Variants in UTP3 observed in about 807,000 individuals in gnomAD.
UTP3 encodes UTP3 small subunit processome component.
Under a neutral mutation model 37.9 loss-of-function variants are expected in UTP3, and 19 were observed. The observed-to-expected ratio is 0.50, with a 90% CI of 0.35 to 0.74. The LOEUF (loss-of-function observed/expected upper bound fraction) is 0.74, where lower values mean the gene tolerates loss of function less well. Among genes scored for constraint, UTP3 ranks in the 30% least tolerant of loss-of-function variants. The pLI is 0.01. For missense variants in UTP3, 504 were observed against 570.7 expected (o/e 0.88, Z 1.19); for synonymous variants, 242 against 218.5 (o/e 1.11, Z -0.95).
Position 70,690,226 on chromosome 4 carries a change from C to T in UTP3, c.*109C>T. 8.5e-7 allele frequency: 1 copy of T among 1,180,768 alleles called. No homozygotes were observed. Among genetic ancestry groups the T allele is most frequent in the Non-Finnish European group, 1.1e-6 (1 of 911,740 alleles). The allele number at this position is 1,180,768 out of a possible 1,614,324, so 73.1% of individuals were successfully genotyped here. A position where few individuals can be genotyped will look rare whatever the true frequency, so the allele number is the denominator to read the frequency against. ...TACTTTAAATTTTAAAAATTCTTGTCCACAAGGAAATTTGTCTGGGTTATT... is the reference window on the plus strand; with the variant it reads ...TACTTTAAATTTTAAAAATTCTTGTTCACAAGGAAATTTGTCTGGGTTATT... On this transcript the variant is annotated 3_prime_UTR_variant, in exon 1 of 1. Transcript: ENST00000254803.
Position 70,690,175 on chromosome 4 carries a change from A to G in UTP3, c.*58A>G, listed in dbSNP as rs77013514. ...TTGGATCAATAAATTTTTACTTTTA[A>G]CTAAAGTCATTGTATTAATATATAA... On this transcript the variant is annotated 3_prime_UTR_variant, in exon 1 of 1. Coordinates refer to ENST00000254803, the MANE Select transcript of UTP3 (RefSeq NM_020368.3). 2,486 of 1,496,496 alleles carry G rather than the reference A, an allele frequency of 1.7e-3. 40 individuals are homozygous for G. In the African/African-American group the frequency reaches 0.033, roughly 20 times the overall value. The allele number at this position is 1,496,496 out of a possible 1,614,324, so 92.7% of individuals were successfully genotyped here. A position where few individuals can be genotyped will look rare whatever the true frequency, so the allele number is the denominator to read the frequency against.
rs1445635662 is a variant in UTP3 at position 70,689,940 on chromosome 4, T to G, written c.1263T>G (p.Leu421=). The change falls in exon 1 of 1, where the codon CTT becomes CTG. Residue 421 remains leucine (L), a synonymous_variant. Coordinates refer to ENST00000254803, the MANE Select transcript of UTP3 (RefSeq NM_020368.3). ...ATCAAATTGCTAAAAATAGGGGACTTACTCCTAGGAGAAAGAAGATTGATC... is the reference window on the plus strand; with the variant it reads ...ATCAAATTGCTAAAAATAGGGGACTGACTCCTAGGAGAAAGAAGATTGATC... ...ITYQIAKNRG[L]TPRRKKIDRN... is the part of the protein sequence containing the mutation. The G allele has an allele frequency of 6.2e-7, 1 of 1,613,854 alleles. No homozygotes were observed. The highest frequency in any genetic ancestry group is 1.3e-5 in the African/African-American group (1 of 74,876).
Position 70,690,041 on chromosome 4 carries a change from G to A in UTP3, c.1364G>A (p.Arg455His), listed in dbSNP as rs370936337. Residue 455 changes from arginine (R) to histidine (H), a missense_variant, in exon 1 of 1, where the codon CGT becomes CAT. Transcript: ENST00000254803. ...IRRRGQVREV[R>H]KEEQRYSGEL... ...AGAAGAGGCCAGGTTCGTGAAGTTC[G>A]TAAAGAAGAGCAACGTTATAGTGGT... 43 of 1,613,954 alleles carry A rather than the reference G, an allele frequency of 2.7e-5. No homozygotes were observed. The African/African-American group carries it at 3.6e-4, about 14-fold the overall frequency.
At position 70,689,704 on chromosome 4, in the gene UTP3, T is replaced by C. The variant is rs555354512; in HGVS notation, c.1027T>C (p.Ser343Pro). The C allele has an allele frequency of 6.2e-7, 1 of 1,614,156 alleles. No homozygotes were observed. Among genetic ancestry groups the C allele is most frequent in the South Asian group, 1.1e-5 (1 of 91,084 alleles). ...VKKELIPKAK[S>P]TKPKPKSVSK... ...GAAAGAACTGATTCCAAAAGCAAAA[T>C]CCACCAAGCCCAAACCAAAGTCTGT... is the stretch of plus-strand genomic sequence containing the variant. The change falls in exon 1 of 1, where the codon TCC becomes CCC. Residue 343 changes from serine (S) to proline (P), a missense_variant. Transcript: ENST00000254803.
At position 70,689,375 on chromosome 4, in the gene UTP3, T is replaced by C. The variant is rs752482000; in HGVS notation, c.698T>C (p.Leu233Pro). 1 of 1,614,096 alleles carries C rather than the reference T, an allele frequency of 6.2e-7. No homozygotes were observed. The highest frequency in any genetic ancestry group is 8.5e-7 in the Non-Finnish European group (1 of 1,180,020). Residue 233 changes from leucine to proline, a missense_variant, in exon 1 of 1, where the codon CTG (leucine) becomes CCG (proline). By Grantham distance (98) the Leu-to-Pro change is moderately conservative. Transcript: ENST00000254803. The stretch of plus-strand genomic sequence containing the variant: ...GAACTCTTGGAGCTGATAGAAGACC[T>C]GAAAGTCAAGTTGACAGAGGTTAAG... ...SPELLELIED[L>P]KVKLTEVKDE...
Position 70,689,110 on chromosome 4 carries a change from T to C in UTP3, c.433T>C (p.Ser145Pro). The C allele has an allele frequency of 6.2e-7, 1 of 1,611,824 alleles. No homozygotes were observed. Among genetic ancestry groups the C allele is most frequent in the Non-Finnish European group, 8.5e-7 (1 of 1,179,410 alleles). The change falls in exon 1 of 1, where the codon TCC (serine) becomes CCC (proline). Residue 145 changes from serine (S) to proline (P), a missense_variant. Physicochemically the swap from Ser to Pro is moderately conservative, Grantham distance 74. Transcript: ENST00000254803. Reference sequence around the variant, plus strand: ...CTATGACACGGACTATGGTTCCAAGTCCCGAGGCCGGCAGAGTCAACAGGA... The same window carrying C: ...CTATGACACGGACTATGGTTCCAAGCCCCGAGGCCGGCAGAGTCAACAGGA... ...LYYDTDYGSK[S>P]RGRQSQQEAE...
Position 70,690,417 on chromosome 4 carries a change from C to A in UTP3, c.*300C>A. On this transcript the variant is annotated 3_prime_UTR_variant, in exon 1 of 1. Transcript: ENST00000254803. ...AACTTAGAACATGTGTAACTTTTCA[C>A]ATAAAGAGAATGCATCTTTGACAGT... 4.9e-6 allele frequency: 1 copy of A among 203,952 alleles called. No individual in the cohort carries two copies. Among genetic ancestry groups the A allele is most frequent in the Non-Finnish European group, 1.1e-5 (1 of 94,192 alleles). The allele number at this position is 203,952 out of a possible 1,614,324, so 12.6% of individuals were successfully genotyped here. A position where few individuals can be genotyped will look rare whatever the true frequency, so the allele number is the denominator to read the frequency against.
rs1739565522 is a variant in UTP3, at chr4:70,688,986, G to A, written c.309G>A (p.Glu103=). 2 of 1,596,626 alleles carry A rather than the reference G, an allele frequency of 1.3e-6. No individual in the cohort carries two copies. Among genetic ancestry groups the A allele is most frequent in the Non-Finnish European group, 1.7e-6 (2 of 1,170,106 alleles). Residue 103 remains glutamate, a synonymous_variant, in exon 1 of 1, where the codon GAG becomes GAA. Coordinates refer to ENST00000254803, the MANE Select transcript of UTP3 (RefSeq NM_020368.3). ...EDGGNAGEEE[E]EENADDDGGS... is the part of the protein sequence containing the mutation. Reference sequence around the variant, plus strand: ...GAGGGAATGCGGGGGAGGAGGAGGAGGAGGAGAATGCCGATGATGATGGTG... The same window carrying A: ...GAGGGAATGCGGGGGAGGAGGAGGAAGAGGAGAATGCCGATGATGATGGTG...
Position 70,689,377 on chromosome 4 carries a change from A to T in UTP3, c.700A>T (p.Lys234Ter). Residue 234 changes from lysine to a stop codon, truncating the protein, a stop_gained, in exon 1 of 1, where the codon AAA becomes TAA. Transcript: ENST00000254803. LOFTEE classifies it high-confidence loss of function. Reference protein sequence around the residue: ...PELLELIEDLKVKLTEVKDEL... With the variant: ...PELLELIEDL ...ACTCTTGGAGCTGATAGAAGACCTG[A>T]AAGTCAAGTTGACAGAGGTTAAGGA... 2 of 1,614,154 alleles carry T rather than the reference A, an allele frequency of 1.2e-6. No individual in the cohort carries two copies. The highest frequency in any genetic ancestry group is 8.5e-7 in the Non-Finnish European group (1 of 1,180,002).
At position 70,688,805 on chromosome 4, in the gene UTP3, A is replaced by G. The variant is rs746858125; in HGVS notation, c.128A>G (p.Tyr43Cys). 2 of 1,614,080 alleles carry G rather than the reference A, an allele frequency of 1.2e-6. No individual in the cohort carries two copies. Among genetic ancestry groups the G allele is most frequent in the Admixed American group, 1.7e-5 (1 of 59,996 alleles). The change falls in exon 1 of 1, where the codon TAC (tyrosine) becomes TGC (cysteine). Residue 43 changes from tyrosine (Y) to cysteine (C), a missense_variant. By Grantham distance (194) the Tyr-to-Cys change is radical. Transcript: ENST00000254803. ...GLPPSPGDTSYYQDQVDDFHE... is the reference protein window; with the variant it reads ...GLPPSPGDTSCYQDQVDDFHE... ...CCACCCTCACCAGGGGACACCAGCTACTACCAAGATCAGGTAGATGACTTT... is the reference window on the plus strand; with the variant it reads ...CCACCCTCACCAGGGGACACCAGCTGCTACCAAGATCAGGTAGATGACTTT...
rs754997801 is a variant in UTP3 at position 70,689,123 on chromosome 4, A to G, written c.446A>G (p.Gln149Arg). The G allele has an allele frequency of 8.1e-6, 13 of 1,613,710 alleles. No homozygotes were observed. The Admixed American group carries it at 1.8e-4, about 23-fold the overall frequency. The change falls in exon 1 of 1, where the codon CAG (glutamine) becomes CGG (arginine). Residue 149 changes from glutamine (Q) to arginine (R), a missense_variant. Physicochemically the swap from Gln to Arg is conservative, Grantham distance 43. Coordinates refer to ENST00000254803, the MANE Select transcript of UTP3 (RefSeq NM_020368.3). ...TATGGTTCCAAGTCCCGAGGCCGGC[A>G]GAGTCAACAGGAGGCAGAGGAGGAG... ...TDYGSKSRGR[Q>R]SQQEAEEEER... is the part of the protein sequence containing the mutation.
rs1277470053 is a variant in UTP3, at chr4:70,689,901, G to A, written c.1224G>A (p.Lys408=). The change falls in exon 1 of 1, where the codon AAG becomes AAA. Residue 408 remains lysine, a synonymous_variant. Coordinates refer to ENST00000254803, the MANE Select transcript of UTP3 (RefSeq NM_020368.3). ...AGGCTCTTGAAGATCAAAATGCAAA[G>A]AGAGCTATTACCTATCAAATTGCTA... ...EEQALEDQNA[K]RAITYQIAKN... is the part of the protein sequence containing the mutation. The A allele has an allele frequency of 1.9e-6, 3 of 1,613,920 alleles. No homozygotes were observed. The highest frequency in any genetic ancestry group is 1.7e-5 in the Admixed American group (1 of 59,938).
Position 70,689,388 on chromosome 4 carries a change from G to A in UTP3, c.711G>A (p.Leu237=). ...TGATAGAAGACCTGAAAGTCAAGTT[G>A]ACAGAGGTTAAGGATGAGCTGGAGC... ...LELIEDLKVK[L]TEVKDELEPL... The change falls in exon 1 of 1, where the codon TTG becomes TTA. Residue 237 remains leucine, a synonymous_variant. Coordinates refer to ENST00000254803, the MANE Select transcript of UTP3 (RefSeq NM_020368.3). 6.2e-7 allele frequency: 1 copy of A among 1,614,178 alleles called. No individual in the cohort carries two copies. The highest frequency in any genetic ancestry group is 8.5e-7 in the Non-Finnish European group (1 of 1,180,038).
At position 70,688,858 on chromosome 4, in the gene UTP3, G is replaced by A. The variant is rs1483971885; in HGVS notation, c.181G>A (p.Ala61Thr). The change falls in exon 1 of 1, where the codon GCT (alanine) becomes ACT (threonine). Residue 61 changes from alanine to threonine, a missense_variant. Transcript: ENST00000254803. ...TGAGGCACGATCCCGGGCCGCCTTAGCTAAGGGCTGGAATGAAGTACAGAG... is the reference window on the plus strand; with the variant it reads ...TGAGGCACGATCCCGGGCCGCCTTAACTAAGGGCTGGAATGAAGTACAGAG... ...FHEARSRAAL[A>T]KGWNEVQSGD... 6 of 1,614,038 alleles carry A rather than the reference G, an allele frequency of 3.7e-6. No homozygotes were observed. The highest frequency in any genetic ancestry group is 1.7e-5 in the Admixed American group (1 of 59,986).
rs1233263076 is a variant in UTP3 at position 70,688,851 on chromosome 4, C to T, written c.174C>T (p.Ala58=). 4 of 1,614,050 alleles carry T rather than the reference C, an allele frequency of 2.5e-6. No homozygotes were observed. In the South Asian group the frequency reaches 3.3e-5, roughly 13 times the overall value. ...ACTTTCATGAGGCACGATCCCGGGC[C>T]GCCTTAGCTAAGGGCTGGAATGAAG... The part of the protein sequence containing the change: ...VDDFHEARSR[A]ALAKGWNEVQ... The change falls in exon 1 of 1, where the codon GCC becomes GCT. Residue 58 remains alanine, a synonymous_variant. Transcript: ENST00000254803.
chr4:70,689,737 A>T lies in UTP3; in HGVS notation c.1060A>T (p.Thr354Ser). ...TKPKPKSVSK[T>S]SAAACAVTDL... is the part of the protein sequence containing the mutation. Reference sequence around the variant, plus strand: ...GCCCAAACCAAAGTCTGTTTCAAAGACTTCTGCTGCTGCCTGTGCTGTTAC... The same window carrying T: ...GCCCAAACCAAAGTCTGTTTCAAAGTCTTCTGCTGCTGCCTGTGCTGTTAC... The change falls in exon 1 of 1, where the codon ACT becomes TCT. Residue 354 changes from threonine to serine, a missense_variant. Transcript: ENST00000254803. 1 of 1,614,208 alleles carries T rather than the reference A, an allele frequency of 6.2e-7. No homozygotes were observed. The highest frequency in any genetic ancestry group is 8.5e-7 in the Non-Finnish European group (1 of 1,180,028).
Position 70,689,847 on chromosome 4 carries a change from A to G in UTP3, c.1170A>G (p.Arg390=). ...TAGAAGACAGGCAAAAGCTAAAGAG[A>G]AAGAAAGAAGAAAATAGCACTGAAG... ...KEIEDRQKLK[R]KKEENSTEEQ... is the part of the protein sequence containing the mutation. Residue 390 remains arginine (R), a synonymous_variant, in exon 1 of 1, where the codon AGA becomes AGG. Coordinates refer to ENST00000254803, the MANE Select transcript of UTP3 (RefSeq NM_020368.3). The G allele has an allele frequency of 6.2e-7, 1 of 1,613,968 alleles. No individual in the cohort carries two copies. Among genetic ancestry groups the G allele is most frequent in the South Asian group, 1.1e-5 (1 of 91,056 alleles).
rs747525535 is a variant in UTP3 at position 70,689,604 on chromosome 4, C to T, written c.927C>T (p.Asn309=). The T allele has an allele frequency of 6.2e-7, 1 of 1,614,216 alleles. No homozygotes were observed. The highest frequency in any genetic ancestry group is 8.5e-7 in the Non-Finnish European group (1 of 1,180,024). The change falls in exon 1 of 1, where the codon AAC becomes AAT. Residue 309 remains asparagine, a synonymous_variant. Coordinates refer to ENST00000254803, the MANE Select transcript of UTP3 (RefSeq NM_020368.3). ...ERLVTYRNLI[N]KLSVVDQKLS... ...TTGTTACCTACCGAAATTTGATCAA[C>T]AAGCTGTCCGTTGTGGATCAGAAGC...
Position 70,688,699 on chromosome 4 carries a change from C to G in UTP3, c.22C>G (p.Arg8Gly), listed in dbSNP as rs1739558252. The G allele has an allele frequency of 6.2e-7, 1 of 1,613,366 alleles. No individual in the cohort carries two copies. Reference protein sequence around the residue: MVGRSRRRGAAKWAAVRA... With the variant: MVGRSRRGGAAKWAAVRA... ...AGCCATGGTGGGGAGATCCCGGCGGCGCGGAGCAGCTAAGTGGGCAGCTGT... is the reference window on the plus strand; with the variant it reads ...AGCCATGGTGGGGAGATCCCGGCGGGGCGGAGCAGCTAAGTGGGCAGCTGT... Residue 8 changes from arginine to glycine, a missense_variant, in exon 1 of 1, where the codon CGC (arginine) becomes GGC (glycine). Transcript: ENST00000254803.
Sources: allele counts gnomAD v4.1 joint callset, GRCh38; gene constraint gnomAD v4.1.1; transcripts MANE v1.5; gene names NCBI Gene and HGNC (gene_info 2026-07-23, HGNC 2026-07-21).